Variants in PALLD observed in about 807,000 individuals in gnomAD.
The protein encoded by PALLD is palladin.
PALLD carries 61 observed loss-of-function variants against 123.5 expected under a neutral mutation model. That is an observed-to-expected ratio of 0.49 (90% CI 0.40 to 0.61). PALLD has a LOEUF of 0.61. PALLD is among the 20% of genes least tolerant of loss of function. The probability of loss-of-function intolerance (pLI) is 0.00; values close to 1 mark genes in which losing one functional copy is unlikely to be tolerated. For missense variants in PALLD, 1,273 were observed against 1,377.0 expected (o/e 0.92, Z 1.20); for synonymous variants, 465 against 496.4 (o/e 0.94, Z 0.84).
At chr4:168,706,976 G>A (rs887876815) in intron 8 of PALLD, among the ~76,000 whole-genome samples, 1 of 152,162 alleles carries the variant, frequency 6.6e-6, no homozygotes, top group Non-Finnish European at 1.5e-5. Context: ...TTTATACTTA[G>A]TGTTTAATTT....
At chr4:168,737,836 T>A (rs907126440) in intron 10 of PALLD, among the ~76,000 whole-genome samples, 18 of 152,216 alleles carry the variant, frequency 1.2e-4, no homozygotes, top group African/African-American at 4.3e-4. Flanking sequence ...GTTTAGTAGT[T>A]TCGCTTCAAA....
At chr4:168,866,229 T>A (rs1392324729) in intron 10 of PALLD, among the ~76,000 whole-genome samples, 3 of 152,214 alleles carry the variant, frequency 2.0e-5, no homozygotes, top group Non-Finnish European at 2.9e-5. Context: ...GACACCACTT[T>A]ACTCCAGCCT....
chr4:168,862,350 G>A (rs1231420939), intron 10 of PALLD, among the ~76,000 whole-genome samples: 1 of 151,158 alleles, frequency 6.6e-6, no homozygotes, highest in Non-Finnish European at 1.5e-5. Context: ...GTTTCACTGT[G>A]TTGCCTAGGC....
intron 10 of PALLD, among the ~76,000 whole-genome samples, chr4:168,857,563 A>T (rs991521088): frequency 6.6e-5 from 10 of 152,250 alleles, no homozygotes; most frequent in Non-Finnish European, 1.3e-4. Flanking sequence ...ACGTGTACAC[A>T]TTAACTTCAT....
intron 10 of PALLD, among the ~76,000 whole-genome samples, chr4:168,746,380 CAAAAAAAAAAAAA>C (rs747755592): frequency 0.02 from 734 of 37,030 alleles, 19 homozygotes; most frequent in African/African-American, 0.054. Flanking sequence ...GAACCCGTCT[CAAAAAAAAAAAAA>C]AAAAAAAAAA....
At chr4:168,919,825 G>A (rs1198988027) in intron 17 of PALLD, among the ~76,000 whole-genome samples, 1 of 152,162 alleles carries the variant, frequency 6.6e-6, no homozygotes, top group African/African-American at 2.4e-5. Context: ...ATTGTGACCT[G>A]CTGGTGGTGA....
At chr4:168,636,230 T>C (rs1033871956) in intron 2 of PALLD, among the ~76,000 whole-genome samples, 1 of 152,164 alleles carries the variant, frequency 6.6e-6, no homozygotes, top group African/African-American at 2.4e-5. Context: ...CATGAGCCTG[T>C]AATCCCAACA....
intron 2 of PALLD, among the ~76,000 whole-genome samples, chr4:168,650,729 A>G (rs1269341474): frequency 1.3e-5 from 2 of 152,126 alleles, no homozygotes; most frequent in Admixed American, 6.5e-5. Context: ...TATTTTAAAT[A>G]TCTTCATTTT....
chr4:168,847,718 G>T (rs571206352), intron 10 of PALLD, among the ~76,000 whole-genome samples: 32 of 152,044 alleles, frequency 2.1e-4, no homozygotes, highest in African/African-American at 7.0e-4. Context: ...GTGTATATGG[G>T]CTATTTGGAT....
intron 14 of PALLD, 33 bp downstream of exon 14, chr4:168,898,747 A>C: frequency 7.1e-7 from 1 of 1,414,680 alleles, no homozygotes; most frequent in South Asian, 1.1e-5. Flanking sequence ...TTTAAGAGTC[A>C]TTCTCTGAGG....
At chr4:168,878,032 G>C in intron 10 of PALLD, 1 of 1,489,454 alleles carries the variant, frequency 6.7e-7, no homozygotes, top group Non-Finnish European at 8.9e-7. Context: ...GCCCCAGCTC[G>C]TCCAGCCTCC....
At chr4:168,698,608 C>T (rs1377309083) in intron 8 of PALLD, among the ~76,000 whole-genome samples, 1 of 152,020 alleles carries the variant, frequency 6.6e-6, no homozygotes, top group Non-Finnish European at 1.5e-5. Context: ...GAGGCCCCAC[C>T]AGACTGCTCC....
intron 10 of PALLD, among the ~76,000 whole-genome samples, chr4:168,847,381 C>A (rs2150958658): frequency 1.3e-5 from 2 of 152,288 alleles, no homozygotes; most frequent in African/African-American, 4.8e-5. Context: ...ATGAAATAAA[C>A]CTTCATGTAC....
intron 2 of PALLD, among the ~76,000 whole-genome samples, chr4:168,606,350 G>A (rs937699990): frequency 2.6e-5 from 4 of 152,128 alleles, no homozygotes; most frequent in African/African-American, 9.7e-5. Flanking sequence ...CCCCGCGTCA[G>A]CTGGAGTTGA....
At chr4:168,831,840 C>T (rs971417395) in intron 10 of PALLD, among the ~76,000 whole-genome samples, 1 of 152,242 alleles carries the variant, frequency 6.6e-6, no homozygotes, top group Non-Finnish European at 1.5e-5. Flanking sequence ...TCCAGGAAAG[C>T]CCGATTTGTA....
chr4:168,670,742 AAAAAC>A (rs201569542), intron 3 of PALLD, among the ~76,000 whole-genome samples: 34,529 of 111,444 alleles, frequency 0.31, 6,364 homozygotes, highest in African/African-American at 0.43. Flanking sequence ...TCCGTCTCAA[AAAAAC>A]AAAAAAAACA....
At chr4:168,825,634 T>C (rs1743312755) in intron 10 of PALLD, among the ~76,000 whole-genome samples, 1 of 152,202 alleles carries the variant, frequency 6.6e-6, no homozygotes, top group Non-Finnish European at 1.5e-5. Flanking sequence ...GTCCCCTATG[T>C]ATAGCCTGTC....
chr4:168,832,360 C>T (rs1037834575), intron 10 of PALLD, among the ~76,000 whole-genome samples: 1 of 151,956 alleles, frequency 6.6e-6, no homozygotes, highest in Non-Finnish European at 1.5e-5. Context: ...CTCCCCCGGC[C>T]CGCGGGAGCA....
intron 8 of PALLD, among the ~76,000 whole-genome samples, chr4:168,706,751 C>G: frequency 6.6e-6 from 1 of 151,820 alleles, no homozygotes; most frequent in African/African-American, 2.4e-5. Flanking sequence ...CTTGGTAATA[C>G]AAAAAAATAG....
Sources: allele counts gnomAD v4.1 joint callset (sites outside exome capture counted in the v4.1 genomes callset), GRCh38; gene constraint gnomAD v4.1.1; transcripts MANE v1.5; gene names NCBI Gene and HGNC (gene_info 2026-07-23, HGNC 2026-07-21).